STXBP5L: variants seen among roughly 807,000 people sequenced by gnomAD.
STXBP5L encodes syntaxin-binding protein 5-like.
Under a neutral mutation model 144.5 loss-of-function variants are expected in STXBP5L, and 65 were observed. That is an observed-to-expected ratio of 0.45 (90% CI 0.37 to 0.55). The LOEUF (loss-of-function observed/expected upper bound fraction) is 0.55, where lower values mean the gene tolerates loss of function less well. Among genes scored for constraint, STXBP5L ranks in the 20% least tolerant of loss-of-function variants. STXBP5L has a pLI of 0.00. For synonymous variants in STXBP5L, 505 were observed against 469.6 expected (o/e 1.08, Z -0.97); for missense variants, 1,298 against 1,405.5 (o/e 0.92, Z 1.22).
intron 20 of STXBP5L, among the ~76,000 whole-genome samples, chr3:121,369,184 A>G (rs572042056): frequency 6.6e-6 from 1 of 152,296 alleles, no homozygotes; most frequent in Non-Finnish European, 1.5e-5. Flanking sequence ...AAATTGACCA[A>G]AATTAGCTGC....
chr3:120,977,971 C>G lies in STXBP5L; in HGVS notation c.287+22934C>G, dbSNP rs550358244. On this transcript the variant is annotated intron_variant, in intron 3 of 26. Transcript: ENST00000471454. ...AACCCGACCTTTGTCTCTGGCTGCC[C>G]TTAACATTTTTTCCTTCATTTCAAC... Among the ~76,000 whole-genome samples the G allele has an allele frequency of 2.9e-4, 44 of 152,310 alleles. 1 individual carries two copies. In the Middle Eastern group the frequency reaches 0.014, roughly 47 times the overall value.
At chr3:121,304,512 G>T (rs1351182718) in intron 19 of STXBP5L, among the ~76,000 whole-genome samples, 1 of 152,100 alleles carries the variant, frequency 6.6e-6, no homozygotes, top group Non-Finnish European at 1.5e-5. Flanking sequence ...AAATTAAATA[G>T]AATGTGTTCT....
chr3:120,908,444 TG>T, intron 1 of STXBP5L, 110 bp downstream of exon 1: 4 of 156,574 alleles, frequency 2.6e-5, no homozygotes, highest in South Asian at 1.9e-4. Context: ...TGTGTGTGTG[TG>T]TTTGAGAGAG....
At chr3:121,056,577 A>T (rs1249547185) in intron 5 of STXBP5L, among the ~76,000 whole-genome samples, 1 of 152,150 alleles carries the variant, frequency 6.6e-6, no homozygotes, top group Non-Finnish European at 1.5e-5. Context: ...ATATTTTATA[A>T]AGGCAATTTG....
intron 3 of STXBP5L, among the ~76,000 whole-genome samples, chr3:120,996,939 C>T (rs938664278): frequency 1.3e-5 from 2 of 152,054 alleles, no homozygotes; most frequent in Non-Finnish European, 2.9e-5. Context: ...GTTTTTCAAT[C>T]CTTATCCTCC....
At chr3:121,053,622 A>G (rs1464565732) in intron 5 of STXBP5L, among the ~76,000 whole-genome samples, 2 of 152,226 alleles carry the variant, frequency 1.3e-5, no homozygotes, top group East Asian at 3.8e-4. Flanking sequence ...TTAGACCTAA[A>G]ACCATAAAAA....
intron 3 of STXBP5L, among the ~76,000 whole-genome samples, chr3:120,963,723 C>A (rs968834703): frequency 3.3e-5 from 5 of 152,112 alleles, no homozygotes; most frequent in African/African-American, 9.7e-5. Context: ...GGATAGTGGT[C>A]TAAAATTCTC....
At chr3:121,020,195 G>A (rs1245788114) in intron 3 of STXBP5L, among the ~76,000 whole-genome samples, 1 of 152,018 alleles carries the variant, frequency 6.6e-6, no homozygotes, top group African/African-American at 2.4e-5. Context: ...TTGAAGACAG[G>A]ACTTTTGATT....
At chr3:121,103,318 A>G (rs1366865764) in intron 5 of STXBP5L, among the ~76,000 whole-genome samples, 1 of 152,192 alleles carries the variant, frequency 6.6e-6, no homozygotes, top group African/African-American at 2.4e-5. Context: ...GATTGGAGGA[A>G]GAAAATTGGT....
chr3:121,380,980 T>TA (rs2046310030), intron 21 of STXBP5L, among the ~76,000 whole-genome samples: 1 of 152,128 alleles, frequency 6.6e-6, no homozygotes. Flanking sequence ...CTATTTAGAC[T>TA]AAATCTTTTC....
intron 5 of STXBP5L, among the ~76,000 whole-genome samples, chr3:121,061,935 C>A (rs2041302443): frequency 6.6e-6 from 1 of 152,140 alleles, no homozygotes; most frequent in East Asian, 1.9e-4. Flanking sequence ...CAGTCTGTGT[C>A]TTTTAATTGG....
chr3:120,940,373 A>G (rs1286883642), intron 2 of STXBP5L, among the ~76,000 whole-genome samples: 3 of 152,020 alleles, frequency 2.0e-5, no homozygotes, highest in Admixed American at 1.3e-4. Flanking sequence ...ACCATAAAAG[A>G]TACTGCGAAA....
intron 5 of STXBP5L, among the ~76,000 whole-genome samples, chr3:121,095,951 C>T (rs1441994600): frequency 6.6e-6 from 1 of 152,136 alleles, no homozygotes; most frequent in Non-Finnish European, 1.5e-5. Context: ...TGGTGACGTA[C>T]AGATGGGGTT....
At chr3:121,391,899 G>A (rs1015057407) in intron 22 of STXBP5L, among the ~76,000 whole-genome samples, 11 of 152,206 alleles carry the variant, frequency 7.2e-5, no homozygotes, top group Admixed American at 6.5e-4. Flanking sequence ...TGTTCTCAGA[G>A]CTCAAACACC....
intron 9 of STXBP5L, among the ~76,000 whole-genome samples, chr3:121,180,749 C>A (rs1239298061): frequency 2.0e-5 from 3 of 152,186 alleles, no homozygotes; most frequent in African/African-American, 7.2e-5. Flanking sequence ...TAGCTCATGC[C>A]TGTAATCTCA....
chr3:121,280,147 T>C (rs1373960000), intron 19 of STXBP5L, among the ~76,000 whole-genome samples, 191 bp downstream of exon 19: 1 of 151,866 alleles, frequency 6.6e-6, no homozygotes, highest in East Asian at 1.9e-4. Context: ...GTCAGGGGTG[T>C]GTATGTTTAA....
At chr3:121,267,746 C>T (rs567384601) in intron 18 of STXBP5L, among the ~76,000 whole-genome samples, 8 of 151,978 alleles carry the variant, frequency 5.3e-5, no homozygotes, top group South Asian at 2.1e-4. Flanking sequence ...AGTTGGCAAA[C>T]GATAGGAACA....
chr3:121,050,845 A>C (rs919873187), intron 5 of STXBP5L, among the ~76,000 whole-genome samples: 7 of 152,182 alleles, frequency 4.6e-5, no homozygotes, highest in Admixed American at 2.0e-4. Context: ...AACCCATCTC[A>C]TGTGCAGAGA....
intron 2 of STXBP5L, among the ~76,000 whole-genome samples, chr3:120,933,077 A>C (rs1035088073): frequency 6.6e-5 from 10 of 151,264 alleles, no homozygotes; most frequent in Admixed American, 4.6e-4. Flanking sequence ...GGATAGCATT[A>C]GGAGATATAC....
Sources: allele counts gnomAD v4.1 joint callset (sites outside exome capture counted in the v4.1 genomes callset), GRCh38; gene constraint gnomAD v4.1.1; transcripts MANE v1.5; gene names NCBI Gene and HGNC (gene_info 2026-07-23, HGNC 2026-07-21).